The following OR56B1 variants were observed in gnomAD, a reference collection of about 807,000 sequenced individuals.
The protein encoded by OR56B1 is olfactory receptor family 56 subfamily B member 1.
OR56B1 carries 13 observed loss-of-function variants against 11.4 expected under a neutral mutation model. That is an observed-to-expected ratio of 1.14 (90% CI 0.74 to 1.81). The LOEUF is 1.81. Among genes scored for constraint, OR56B1 ranks in the 40% most tolerant of loss-of-function variants. The pLI is 0.00. For synonymous variants in OR56B1, 158 were observed against 143.6 expected, an observed-to-expected ratio of 1.10 and a Z score of -0.72; for missense variants, 434 against 379.3, an observed-to-expected ratio of 1.14 and a Z score of -1.20.
chr11:5,737,446 C>A lies in OR56B1; in HGVS notation c.930C>A (p.Ala310=). 6.2e-7 allele frequency: 1 copy of A among 1,613,854 alleles called. No homozygotes were observed. Among genetic ancestry groups the A allele is most frequent in the Non-Finnish European group, 8.5e-7 (1 of 1,179,802 alleles). ...TTCAGACCAAAGAACTTAGGGCAGC[C>A]TTCCAAAAGGTGCTGTTTGCCCTTA... ...YALQTKELRA[A]FQKVLFALTK... The change falls in exon 1 of 1, where the codon GCC becomes GCA. Residue 310 remains alanine (A), a synonymous_variant. Coordinates refer to ENST00000317121, the MANE Select transcript of OR56B1 (RefSeq NM_001005180.3).
chr11:5,737,169 G>C lies in OR56B1; in HGVS notation c.653G>C (p.Ser218Thr). ...GTTCTGGCATGGCTTGGAATGGGGA[G>C]TGATCTAAGTCTTATTATACTGTCA... The part of the protein sequence containing the change: ...QLVLAWLGMG[S>T]DLSLIILSYI... The change falls in exon 1 of 1, where the codon AGT becomes ACT. Residue 218 changes from serine to threonine, a missense_variant. By Grantham distance (58) the Ser-to-Thr change is moderately conservative (BLOSUM62 1). Coordinates refer to ENST00000317121, the MANE Select transcript of OR56B1 (RefSeq NM_001005180.3). The C allele has an allele frequency of 6.2e-7, 1 of 1,613,982 alleles. No individual in the cohort carries two copies. Among genetic ancestry groups the C allele is most frequent in the Non-Finnish European group, 8.5e-7 (1 of 1,179,964 alleles).
chr11:5,736,687 C>T lies in OR56B1; in HGVS notation c.171C>T (p.Ile57=), dbSNP rs188154337. ...ALAANTLILI[I]IWQNPSLQQP... ...CTGCAAACACCCTCATCCTCATCAT[C>T]ATCTGGCAGAACCCTTCTTTACAGC... The change falls in exon 1 of 1, where the codon ATC becomes ATT. Residue 57 remains isoleucine, a synonymous_variant. Transcript: ENST00000317121. 5.6e-6 allele frequency: 9 copies of T among 1,614,024 alleles called. No individual in the cohort carries two copies. The highest frequency in any genetic ancestry group is 1.6e-4 in the Middle Eastern group (1 of 6,062).
chr11:5,738,052 A>G lies in OR56B1; in HGVS notation c.*561A>G, dbSNP rs970809790. 1 of 153,816 alleles carries G rather than the reference A, an allele frequency of 6.5e-6. No individual in the cohort carries two copies. 9.5% of individuals were successfully genotyped at this position (153,816 alleles called of 1,614,324 possible). On this transcript the variant is annotated 3_prime_UTR_variant, in exon 1 of 1. Transcript: ENST00000317121. ...ACTCAGCTTGGACAGACAGAACCCA[A>G]AAGATTCATCTAGCTAGAAGGATCT...
Position 5,737,511 on chromosome 11 carries a change from C to T in OR56B1, c.*20C>T. The T allele has an allele frequency of 1.3e-6, 2 of 1,585,386 alleles. No individual in the cohort carries two copies. Among genetic ancestry groups the T allele is most frequent in the Admixed American group, 1.8e-5 (1 of 56,432 alleles). ...TCTTAGAGACCTTCTCCATGATGTA[C>T]ATGAACCTCAGCTTCTCCTAAACTG... On this transcript the variant is annotated 3_prime_UTR_variant, in exon 1 of 1. Transcript: ENST00000317121.
rs774244722 is a variant in OR56B1, at chr11:5,737,062, A to G, written c.546A>G (p.Glu182=). The change falls in exon 1 of 1, where the codon GAA becomes GAG. Residue 182 remains glutamate (E), a synonymous_variant. Coordinates refer to ENST00000317121, the MANE Select transcript of OR56B1 (RefSeq NM_001005180.3). ...AAQRDYCSKN[E]IEHCLCSNLG... is the part of the protein sequence containing the mutation. ...AGCGTGATTATTGCTCCAAGAATGA[A>G]ATTGAACACTGCCTGTGCTCTAACC... The G allele has an allele frequency of 6.2e-7, 1 of 1,614,122 alleles. No homozygotes were observed. Among genetic ancestry groups the G allele is most frequent in the South Asian group, 1.1e-5 (1 of 91,086 alleles).
rs1199256192 is a variant in OR56B1, at chr11:5,736,594, C to A, written c.78C>A (p.Phe26Leu). 6.2e-7 allele frequency: 1 copy of A among 1,613,986 alleles called. No homozygotes were observed. ...FQVSEFILLG[F>L]PGIHSWQHWL... ...TCTCTGAGTTCATCCTGCTGGGATTCCCGGGCATTCACAGCTGGCAACACT... is the reference window on the plus strand; with the variant it reads ...TCTCTGAGTTCATCCTGCTGGGATTACCGGGCATTCACAGCTGGCAACACT... Residue 26 changes from phenylalanine to leucine, a missense_variant, in exon 1 of 1, where the codon TTC (phenylalanine) becomes TTA (leucine). By Grantham distance (22) the Phe-to-Leu change is conservative. Transcript: ENST00000317121.
In OR56B1 at chr11:5,737,506, A is replaced by T; in HGVS notation, c.*15A>T. The T allele has an allele frequency of 1.3e-6, 2 of 1,594,666 alleles. No individual in the cohort carries two copies. Among genetic ancestry groups the T allele is most frequent in the Non-Finnish European group, 1.7e-6 (2 of 1,169,962 alleles). ...TAAGATCTTAGAGACCTTCTCCATG[A>T]TGTACATGAACCTCAGCTTCTCCTA... is the stretch of plus-strand genomic sequence containing the variant. On this transcript the variant is annotated 3_prime_UTR_variant, in exon 1 of 1. Coordinates refer to ENST00000317121, the MANE Select transcript of OR56B1 (RefSeq NM_001005180.3).
Position 5,736,800 on chromosome 11 carries a change from G to A in OR56B1, c.284G>A (p.Trp95Ter), listed in dbSNP as rs150877614. ...ATCCCTAAGATCCTGGCCATCTTCTGGTTTGATGCCAAGGTTATTAGCCTC... is the reference window on the plus strand; with the variant it reads ...ATCCCTAAGATCCTGGCCATCTTCTAGTTTGATGCCAAGGTTATTAGCCTC... ...TIIPKILAIF[W>*]FDAKVISLPE... The change falls in exon 1 of 1, where the codon TGG becomes TAG. Residue 95 changes from tryptophan (W) to a stop codon, truncating the protein, a stop_gained. Coordinates refer to ENST00000317121, the MANE Select transcript of OR56B1 (RefSeq NM_001005180.3). LOFTEE classifies it high-confidence loss of function. 4 of 1,613,978 alleles carry A rather than the reference G, an allele frequency of 2.5e-6. No individual in the cohort carries two copies. Among genetic ancestry groups the A allele is most frequent in the Non-Finnish European group, 3.4e-6 (4 of 1,179,964 alleles).
Position 5,737,340 on chromosome 11 carries a change from T to A in OR56B1, c.824T>A (p.Met275Lys). The change falls in exon 1 of 1, where the codon ATG becomes AAG. Residue 275 changes from methionine (M) to lysine (K), a missense_variant. Transcript: ENST00000317121. Reference sequence around the variant, plus strand: ...ATTTCAGTGACTCATCTGACAGAGATGAAGGCTACTTTGATTCCAGTTCTA... The same window carrying A: ...ATTTCAGTGACTCATCTGACAGAGAAGAAGGCTACTTTGATTCCAGTTCTA... ...VVISVTHLTE[M>K]KATLIPVLLN... The A allele has an allele frequency of 6.2e-7, 1 of 1,614,154 alleles. No individual in the cohort carries two copies. Among genetic ancestry groups the A allele is most frequent in the Non-Finnish European group, 8.5e-7 (1 of 1,179,984 alleles).
At position 5,737,354 on chromosome 11, in the gene OR56B1, A is replaced by G. The variant is rs768872441; in HGVS notation, c.838A>G (p.Ile280Val). Reference sequence around the variant, plus strand: ...TCTGACAGAGATGAAGGCTACTTTGATTCCAGTTCTACTTAATGTGTTGCA... The same window carrying G: ...TCTGACAGAGATGAAGGCTACTTTGGTTCCAGTTCTACTTAATGTGTTGCA... ...THLTEMKATL[I>V]PVLLNVLHNI... Residue 280 changes from isoleucine to valine, a missense_variant, in exon 1 of 1, where the codon ATT becomes GTT. Physicochemically the swap from Ile to Val is conservative, Grantham distance 29. Transcript: ENST00000317121. 4 of 1,614,086 alleles carry G rather than the reference A, an allele frequency of 2.5e-6. No homozygotes were observed. In the South Asian group the frequency reaches 4.4e-5, roughly 18 times the overall value.
Position 5,736,535 on chromosome 11 carries a change from T to G in OR56B1, c.19T>G (p.Ser7Ala), listed in dbSNP as rs781311151. The G allele has an allele frequency of 1.2e-6, 2 of 1,613,494 alleles. No individual in the cohort carries two copies. Among genetic ancestry groups the G allele is most frequent in the South Asian group, 1.1e-5 (1 of 91,080 alleles). Reference protein sequence around the residue: MNHMSASLKISNSSKFQ... With the variant: MNHMSAALKISNSSKFQ... ...TTGAATCATGAATCATATGTCTGCA[T>G]CTCTCAAAATCTCCAATAGCTCCAA... is the stretch of plus-strand genomic sequence containing the variant. The change falls in exon 1 of 1, where the codon TCT (serine) becomes GCT (alanine). Residue 7 changes from serine (S) to alanine (A), a missense_variant. Physicochemically the swap from Ser to Ala is moderately conservative, Grantham distance 99 (BLOSUM62 1). Coordinates refer to ENST00000317121, the MANE Select transcript of OR56B1 (RefSeq NM_001005180.3).
rs137956225 is a variant in OR56B1 at position 5,737,393 on chromosome 11, C to G, written c.877C>G (p.Pro293Ala). ...LLNVLHNIIP[P>A]SLNPTVYALQ... Reference sequence around the variant, plus strand: ...TAATGTGTTGCACAACATCATCCCCCCTTCCCTCAACCCTACAGTTTATGC... The same window carrying G: ...TAATGTGTTGCACAACATCATCCCCGCTTCCCTCAACCCTACAGTTTATGC... Residue 293 changes from proline to alanine, a missense_variant, in exon 1 of 1, where the codon CCT (proline) becomes GCT (alanine). Pro to Ala is a conservative substitution (Grantham distance 27). Coordinates refer to ENST00000317121, the MANE Select transcript of OR56B1 (RefSeq NM_001005180.3). The G allele has an allele frequency of 1.6e-5, 26 of 1,614,090 alleles. No individual in the cohort carries two copies. The highest frequency in any genetic ancestry group is 1.2e-4 in the African/African-American group (9 of 75,030).
Position 5,737,584 on chromosome 11 carries a change from G to T in OR56B1, c.*93G>T. The T allele has an allele frequency of 2.6e-6, 3 of 1,154,924 alleles. No homozygotes were observed. Among genetic ancestry groups the T allele is most frequent in the Non-Finnish European group, 3.6e-6 (3 of 836,380 alleles). The allele number at this position is 1,154,924 out of a possible 1,614,324, so 71.5% of individuals were successfully genotyped here. ...TAAATGAGTAAGTGAATACCTTTGG[G>T]ATTCCCTTTTTATATTTGTATGTAA... On this transcript the variant is annotated 3_prime_UTR_variant, in exon 1 of 1. Transcript: ENST00000317121.
Position 5,737,087 on chromosome 11 carries a change from C to A in OR56B1, c.571C>A (p.Leu191Ile). The A allele has an allele frequency of 6.2e-7, 1 of 1,614,026 alleles. No individual in the cohort carries two copies. The highest frequency in any genetic ancestry group is 8.5e-7 in the Non-Finnish European group (1 of 1,180,008). ...NEIEHCLCSN[L>I]GVTSLACDDR... ...AATTGAACACTGCCTGTGCTCTAAC[C>A]TTGGGGTCACAAGCCTGGCTTGTGA... The change falls in exon 1 of 1, where the codon CTT becomes ATT. Residue 191 changes from leucine to isoleucine, a missense_variant. Leu to Ile is a conservative substitution (Grantham distance 5). Coordinates refer to ENST00000317121, the MANE Select transcript of OR56B1 (RefSeq NM_001005180.3).
In OR56B1 at chr11:5,737,276, C is replaced by T; in HGVS notation, c.760C>T (p.Leu254Phe). 6.2e-7 allele frequency: 1 copy of T among 1,614,130 alleles called. No individual in the cohort carries two copies. The highest frequency in any genetic ancestry group is 8.5e-7 in the Non-Finnish European group (1 of 1,179,964). ...GGCCCTGAGCACTTGTAGTTCACAT[C>T]TCACCCTCATCCTTTTCTTTTACAC... The part of the protein sequence containing the change: ...AKALSTCSSH[L>F]TLILFFYTIV... The change falls in exon 1 of 1, where the codon CTC (leucine) becomes TTC (phenylalanine). Residue 254 changes from leucine (L) to phenylalanine (F), a missense_variant. Coordinates refer to ENST00000317121, the MANE Select transcript of OR56B1 (RefSeq NM_001005180.3).
Position 5,736,735 on chromosome 11 carries a change from C to T in OR56B1, c.219C>T (p.Gly73=), listed in dbSNP as rs138506933. The part of the protein sequence containing the change: ...SLQQPMYIFL[G]ILCMVDMGLA... ...AGCAGCCCATGTATATTTTCCTTGG[C>T]ATCCTCTGTATGGTAGACATGGGTC... The change falls in exon 1 of 1, where the codon GGC becomes GGT. Residue 73 remains glycine, a synonymous_variant. Coordinates refer to ENST00000317121, the MANE Select transcript of OR56B1 (RefSeq NM_001005180.3). 1 of 1,613,914 alleles carries T rather than the reference C, an allele frequency of 6.2e-7. No homozygotes were observed. The highest frequency in any genetic ancestry group is 1.3e-5 in the African/African-American group (1 of 74,924).
rs1400198286 is a variant in OR56B1, at chr11:5,736,590, G to A, written c.74G>A (p.Gly25Glu). 1 of 1,613,980 alleles carries A rather than the reference G, an allele frequency of 6.2e-7. No individual in the cohort carries two copies. Among genetic ancestry groups the A allele is most frequent in the Non-Finnish European group, 8.5e-7 (1 of 1,179,970 alleles). Residue 25 changes from glycine (G) to glutamate (E), a missense_variant, in exon 1 of 1, where the codon GGA (glycine) becomes GAA (glutamate). By Grantham distance (98) the Gly-to-Glu change is moderately conservative. Transcript: ENST00000317121. Reference protein sequence around the residue: ...KFQVSEFILLGFPGIHSWQHW... With the variant: ...KFQVSEFILLEFPGIHSWQHW... ...CAGGTCTCTGAGTTCATCCTGCTGG[G>A]ATTCCCGGGCATTCACAGCTGGCAA...
Position 5,737,042 on chromosome 11 carries a change from G to A in OR56B1, c.526G>A (p.Asp176Asn). 2 of 1,614,130 alleles carry A rather than the reference G, an allele frequency of 1.2e-6. No individual in the cohort carries two copies. Among genetic ancestry groups the A allele is most frequent in the Non-Finnish European group, 1.7e-6 (2 of 1,180,008 alleles). The change falls in exon 1 of 1, where the codon GAT becomes AAT. Residue 176 changes from aspartate (D) to asparagine (N), a missense_variant. Asp to Asn is a conservative substitution (Grantham distance 23). Coordinates refer to ENST00000317121, the MANE Select transcript of OR56B1 (RefSeq NM_001005180.3). The part of the protein sequence containing the change: ...TPVPVLAAQR[D>N]YCSKNEIEHC... ...AGTGCCTGTGCTTGCAGCACAGCGT[G>A]ATTATTGCTCCAAGAATGAAATTGA...
Position 5,736,867 on chromosome 11 carries a change from G to A in OR56B1, c.351G>A (p.Val117=), listed in dbSNP as rs760456044. ...FAQIYAIHFF[V]GMESGILLCM... is the part of the protein sequence containing the mutation. ...AGATTTATGCCATTCACTTCTTTGT[G>A]GGCATGGAGTCTGGTATCCTACTCT... is the stretch of plus-strand genomic sequence containing the variant. Residue 117 remains valine, a synonymous_variant, in exon 1 of 1, where the codon GTG becomes GTA. Transcript: ENST00000317121. 1 of 1,613,906 alleles carries A rather than the reference G, an allele frequency of 6.2e-7. No homozygotes were observed. The highest frequency in any genetic ancestry group is 1.1e-5 in the South Asian group (1 of 91,082).
Sources: gnomAD v4.1 joint callset for allele counts on GRCh38, gnomAD v4.1.1 for gene constraint, MANE v1.5 for transcripts, NCBI Gene and HGNC (gene_info 2026-07-23, HGNC 2026-07-21) for gene names.